The following MYRIP variants were observed in gnomAD, a reference collection of about 807,000 sequenced individuals.
The protein encoded by MYRIP is myosin VIIA and Rab interacting protein.
In MYRIP, 49 loss-of-function variants were observed where a neutral mutation model predicts 98.0. That is an observed-to-expected ratio of 0.50 (90% CI 0.40 to 0.63). MYRIP has a LOEUF of 0.63. MYRIP is among the 30% of genes least tolerant of loss of function. MYRIP has a pLI of 0.00. For missense variants in MYRIP, 1,004 were observed against 1,058.2 expected (o/e 0.95, Z 0.71); for synonymous variants, 404 against 409.5 (o/e 0.99, Z 0.16).
At chr3:40,084,920 G>A (rs1342240881) in intron 3 of MYRIP, among the ~76,000 whole-genome samples, 2 of 142,224 alleles carry the variant, frequency 1.4e-5, no homozygotes, top group Admixed American at 7.2e-5. Flanking sequence ...GTTACATGTC[G>A]ATAGATAATA....
intron 2 of MYRIP, among the ~76,000 whole-genome samples, chr3:39,982,897 G>T (rs557727727): frequency 3.8e-4 from 58 of 152,172 alleles, no homozygotes; most frequent in African/African-American, 1.4e-3. Context: ...TAGATAAGAG[G>T]ATATGTCAAC....
At chr3:40,173,260 C>T (rs180720101) in intron 8 of MYRIP, 73 of 152,310 alleles carry the variant, frequency 4.8e-4, no homozygotes, top group African/African-American at 1.7e-3. Context: ...ATCCTAGCTA[C>T]CCCAAGCCAC....
intron 1 of MYRIP, among the ~76,000 whole-genome samples, chr3:39,873,656 T>C (rs974161584): frequency 3.3e-5 from 5 of 152,034 alleles, no homozygotes; most frequent in East Asian, 1.9e-4. Flanking sequence ...TGTAGATATG[T>C]GGCGTTATTT....
intron 2 of MYRIP, among the ~76,000 whole-genome samples, chr3:39,982,611 A>T (rs114840614): frequency 1.4e-3 from 208 of 152,338 alleles, no homozygotes; most frequent in African/African-American, 4.7e-3. Flanking sequence ...TAACAAATCT[A>T]GTAATTTCAG....
intron 2 of MYRIP, among the ~76,000 whole-genome samples, chr3:39,958,576 A>C (rs62264373): frequency 0.39 from 59,393 of 151,898 alleles, 11,748 homozygotes; most frequent in East Asian, 0.47. Flanking sequence ...CATAAAAACC[A>C]TAGAAGAAAA....
At chr3:39,836,851 C>T (rs68053575) in intron 1 of MYRIP, among the ~76,000 whole-genome samples, 12,544 of 152,184 alleles carry the variant, frequency 0.082, 573 homozygotes, top group African/African-American at 0.12. Flanking sequence ...GCTCAGGTAC[C>T]GGTGCTCTAG....
intron 2 of MYRIP, among the ~76,000 whole-genome samples, chr3:39,927,676 C>G (rs62264365): frequency 3.3e-5 from 5 of 151,936 alleles, no homozygotes; most frequent in Non-Finnish European, 5.9e-5. Context: ...AGGAACTTCT[C>G]CCTAACTCAT....
intron 2 of MYRIP, among the ~76,000 whole-genome samples, chr3:40,029,245 A>G (rs979346854): frequency 6.6e-6 from 1 of 152,182 alleles, no homozygotes; most frequent in Non-Finnish European, 1.5e-5. Flanking sequence ...TTCCTTGGAA[A>G]TATCACCTCT....
In MYRIP at chr3:39,895,161, T is replaced by G. The variant is rs1446994377; in HGVS notation, c.-30-5626T>G. ...ATATTAGGATAATTATCTTTCCTGG[T>G]TTTCCCTAGATTTTTGCTTGCATTT... On this transcript the variant is annotated intron_variant, in intron 1 of 16. Transcript: ENST00000302541. 3.0e-4 allele frequency among the ~76,000 whole-genome samples: 46 copies of G among 152,202 alleles called. 1 individual carries two copies. Among genetic ancestry groups the G allele is most frequent in the Non-Finnish European group, 1.5e-5 (1 of 68,030 alleles).
intron 2 of MYRIP, among the ~76,000 whole-genome samples, chr3:39,931,717 AG>A (rs1207402886): frequency 6.6e-6 from 1 of 152,100 alleles, no homozygotes; most frequent in African/African-American, 2.4e-5. Flanking sequence ...TTATTTTGAA[AG>A]GGTGTTGGAT....
intron 1 of MYRIP, among the ~76,000 whole-genome samples, chr3:39,837,628 A>G (rs1017255073): frequency 6.6e-6 from 1 of 152,162 alleles, no homozygotes; most frequent in African/African-American, 2.4e-5. Context: ...GCCTTGTAGT[A>G]TAGTTTGAAG....
intron 12 of MYRIP, among the ~76,000 whole-genome samples, chr3:40,244,150 C>T (rs1029604749): frequency 2.0e-5 from 3 of 152,166 alleles, no homozygotes; most frequent in Non-Finnish European, 4.4e-5. Context: ...TGGACCAATA[C>T]ACAATTCGCA....
intron 8 of MYRIP, among the ~76,000 whole-genome samples, chr3:40,172,023 A>C (rs927549383): frequency 1.7e-4 from 26 of 152,014 alleles, no homozygotes; most frequent in African/African-American, 6.0e-4. Context: ...TATGGGAAAG[A>C]CCCGCCCCCA....
chr3:39,912,091 G>T (rs1199264326), intron 2 of MYRIP, among the ~76,000 whole-genome samples: 1 of 152,148 alleles, frequency 6.6e-6, no homozygotes, highest in African/African-American at 2.4e-5. Context: ...TCCCTGGCCT[G>T]GTCCCAGCCC....
chr3:39,995,221 A>T (rs1157400113), intron 2 of MYRIP, among the ~76,000 whole-genome samples: 1 of 152,204 alleles, frequency 6.6e-6, no homozygotes. Context: ...AGAAGGCTTC[A>T]GATGATCAAA....
chr3:39,827,891 T>A (rs1941319077), intron 1 of MYRIP, among the ~76,000 whole-genome samples: 1 of 152,192 alleles, frequency 6.6e-6, no homozygotes, highest in South Asian at 2.1e-4. Flanking sequence ...TTTTTTTCTT[T>A]CAGTACTTTG....
intron 3 of MYRIP, among the ~76,000 whole-genome samples, chr3:40,100,500 G>A (rs1466997461): frequency 1.3e-5 from 2 of 152,136 alleles, no homozygotes; most frequent in Admixed American, 6.5e-5. Flanking sequence ...AACAATATGG[G>A]TGGAAAAAGT....
chr3:40,209,767 G>A (rs1951872074), intron 10 of MYRIP, 87 bp from the exon 11 acceptor site: 1 of 1,545,428 alleles, frequency 6.5e-7, no homozygotes, highest in South Asian at 1.2e-5. Context: ...ATGTTCCTAT[G>A]TTCCTTTACT....
At chr3:40,192,900 G>GT (rs1350568164) in intron 10 of MYRIP, among the ~76,000 whole-genome samples, 1 of 152,182 alleles carries the variant, frequency 6.6e-6, no homozygotes, top group Non-Finnish European at 1.5e-5. Context: ...CTTCTACATA[G>GT]TAACCTGTAT....
Sources: gnomAD v4.1 joint callset for allele counts (sites outside exome capture counted in the v4.1 genomes callset) on GRCh38, gnomAD v4.1.1 for gene constraint, MANE v1.5 for transcripts, NCBI Gene and HGNC (gene_info 2026-07-23, HGNC 2026-07-21) for gene names.